The following FEM1A variants were observed in gnomAD, a reference collection of about 807,000 sequenced individuals.
FEM1A encodes the protein protein fem-1 homolog A.
In FEM1A, 1 loss-of-function variant was observed where a neutral mutation model predicts 0.7. The observed-to-expected ratio is 1.35, with a 90% CI of 0.48 to 6.40. The LOEUF is 6.40. Ranked by LOEUF, FEM1A falls within the 30% of genes most tolerant of loss-of-function variation. FEM1A has a pLI of 0.14. For synonymous variants in FEM1A, 391 were observed against 420.6 expected, an observed-to-expected ratio of 0.93 and a Z score of 0.86; for missense variants, 721 against 918.7, an observed-to-expected ratio of 0.78 and a Z score of 2.78.
rs1216242754 is a variant in FEM1A, at chr19:4,796,336, CA to C, written c.*2473del. 1 of 152,034 alleles carries C rather than the reference CA, an allele frequency of 6.6e-6. No individual in the cohort carries two copies. Among genetic ancestry groups the C allele is most frequent in the African/African-American group, 2.4e-5 (1 of 41,360 alleles). 9.4% of individuals were successfully genotyped at this position (152,034 alleles called of 1,614,324 possible). ...CCTCCTGAGCATCTGGGACTACAGG[CA>C]TACACCACCATGCCTGGCTAATTGT... On this transcript the variant is annotated 3_prime_UTR_variant, in exon 1 of 1. Coordinates refer to ENST00000269856, the MANE Select transcript of FEM1A (RefSeq NM_018708.3).
At position 4,798,833 on chromosome 19, in the gene FEM1A, T is replaced by G. The variant is rs1235823694; in HGVS notation, c.*4969T>G. 5 of 152,110 alleles carry G rather than the reference T, an allele frequency of 3.3e-5. No homozygotes were observed. Among genetic ancestry groups the G allele is most frequent in the Admixed American group, 1.3e-4 (2 of 15,234 alleles). 9.4% of individuals were successfully genotyped at this position (152,110 alleles called of 1,614,324 possible). A position where few individuals can be genotyped will look rare whatever the true frequency, so the allele number is the denominator to read the frequency against. ...TGCCTCCGCATCCTGAGCGTCTGTT[T>G]CCCTCGGGGATCTGCCAGACTCAGC... On this transcript the variant is annotated 3_prime_UTR_variant, in exon 1 of 1. Transcript: ENST00000269856.
Position 4,793,440 on chromosome 19 carries a change from C to T in FEM1A, c.1586C>T (p.Ala529Val), listed in dbSNP as rs776656248. Residue 529 changes from alanine to valine, a missense_variant, in exon 1 of 1, where the codon GCG becomes GTG. Physicochemically the swap from Ala to Val is moderately conservative, Grantham distance 64. Transcript: ENST00000269856. The surrounding 1 kb of genome is among the most constrained non-coding windows in gnomAD (Gnocchi z 5.1). ...HQTVYRLLKCAPRGKNGFTPL... is the reference protein window; with the variant it reads ...HQTVYRLLKCVPRGKNGFTPL... ...ACCGTCTACCGCCTGCTCAAGTGCG[C>T]GCCCAGGGGCAAGAACGGCTTCACC... 3 of 1,612,300 alleles carry T rather than the reference C, an allele frequency of 1.9e-6. No homozygotes were observed. The highest frequency in any genetic ancestry group is 1.7e-6 in the Non-Finnish European group (2 of 1,179,858).
In FEM1A at chr19:4,792,042, G is replaced by T; in HGVS notation, c.188G>T (p.Arg63Leu). 6.5e-7 allele frequency: 1 copy of T among 1,537,334 alleles called. No individual in the cohort carries two copies. The highest frequency in any genetic ancestry group is 1.2e-5 in the South Asian group (1 of 84,224). ...HLDVVEYLVD[R>L]CGASVEAGGS... ...GACGTGGTGGAGTACCTGGTGGACC[G>T]GTGCGGCGCGAGCGTGGAGGCCGGT... The change falls in exon 1 of 1, where the codon CGG becomes CTG. Residue 63 changes from arginine to leucine, a missense_variant. By Grantham distance (102) the Arg-to-Leu change is moderately radical. Transcript: ENST00000269856. This position sits in a 1 kb window ranked among gnomAD's most constrained non-coding sequence, Gnocchi z 6.7.
In FEM1A at chr19:4,797,561, G is replaced by T. The variant is rs1402611045; in HGVS notation, c.*3697G>T. ...TTGATAGCTCCCTTGAGACTGGGGT[G>T]GGGTGGGTGTCCCAAGATGACCGCC... On this transcript the variant is annotated 3_prime_UTR_variant, in exon 1 of 1. Coordinates refer to ENST00000269856, the MANE Select transcript of FEM1A (RefSeq NM_018708.3). The T allele has an allele frequency of 6.6e-6, 1 of 151,436 alleles. No individual in the cohort carries two copies. The highest frequency in any genetic ancestry group is 1.5e-5 in the Non-Finnish European group (1 of 67,972). 9.4% of individuals were successfully genotyped at this position (151,436 alleles called of 1,614,324 possible). A position where few individuals can be genotyped will look rare whatever the true frequency, so the allele number is the denominator to read the frequency against.
chr19:4,793,072 C>A lies in FEM1A; in HGVS notation c.1218C>A (p.Phe406Leu). Residue 406 changes from phenylalanine to leucine, a missense_variant, in exon 1 of 1, where the codon TTC becomes TTA. This residue lies in a region of FEM1A where 379 missense variants were observed against 454.8 expected (regional missense o/e 0.83). Transcript: ENST00000269856. The surrounding 1 kb of genome is among the most constrained non-coding windows in gnomAD (Gnocchi z 5.1). ...CCGTGTACGCCGACTCGGGCAATTT[C>A]GAGCGCTGCATCCGCTTGTGGAAGT... is the stretch of plus-strand genomic sequence containing the variant. ...RGAVYADSGN[F>L]ERCIRLWKYA... 1 of 1,613,610 alleles carries A rather than the reference C, an allele frequency of 6.2e-7. No individual in the cohort carries two copies. The highest frequency in any genetic ancestry group is 8.5e-7 in the Non-Finnish European group (1 of 1,180,016).
rs957480970 is a variant in FEM1A at position 4,797,973 on chromosome 19, G to A, written c.*4109G>A. 2.6e-4 allele frequency: 39 copies of A among 152,238 alleles called. No homozygotes were observed. The highest frequency in any genetic ancestry group is 6.5e-4 in the African/African-American group (27 of 41,444). The allele number at this position is 152,238 out of a possible 1,614,324, so 9.4% of individuals were successfully genotyped here. On this transcript the variant is annotated 3_prime_UTR_variant, in exon 1 of 1. Transcript: ENST00000269856. ...AGCAGGGCCGGGCGCAGGGGCTCACGCCAGTAATCCCAGCACTTTGGGAGG... is the reference window on the plus strand; with the variant it reads ...AGCAGGGCCGGGCGCAGGGGCTCACACCAGTAATCCCAGCACTTTGGGAGG...
Position 4,793,885 on chromosome 19 carries a change from C to CCTCACCT in FEM1A, c.*25_*31dup. The CCTCACCT allele has an allele frequency of 1.3e-6, 2 of 1,575,850 alleles. No homozygotes were observed. The highest frequency in any genetic ancestry group is 1.7e-6 in the Non-Finnish European group (2 of 1,161,836). On this transcript the variant is annotated 3_prime_UTR_variant, in exon 1 of 1. Transcript: ENST00000269856. The surrounding 1 kb of genome is among the most constrained non-coding windows in gnomAD (Gnocchi z 5.1). ...ACTGACCTGCCCAGAACGCCTGCAC[C>CCTCACCT]CTCACCTCTCCCCTCTCCTGCTGAG...
In FEM1A at chr19:4,793,008, C is replaced by T. The variant is rs751076792; in HGVS notation, c.1154C>T (p.Ser385Leu). 1.9e-6 allele frequency: 3 copies of T among 1,613,170 alleles called. No homozygotes were observed. The highest frequency in any genetic ancestry group is 1.1e-5 in the South Asian group (1 of 91,052). ...ATCCGGGAGCGCATCCTCGGTCCCT[C>T]GCACCCGGACACTTCCTATTACATC... ...LLIRERILGP[S>L]HPDTSYYIRY... Residue 385 changes from serine (S) to leucine (L), a missense_variant, in exon 1 of 1, where the codon TCG becomes TTG. Ser to Leu is a moderately radical substitution (Grantham distance 145). Coordinates refer to ENST00000269856, the MANE Select transcript of FEM1A (RefSeq NM_018708.3). The surrounding 1 kb of genome is among the most constrained non-coding windows in gnomAD (Gnocchi z 5.1).
chr19:4,793,981 G>T lies in FEM1A; in HGVS notation c.*117G>T. ...CCTTCAGGCACCAATCAGGAGAAGGGTTCTGCCTCCCATCCCCTCTACCTG... is the reference window on the plus strand; with the variant it reads ...CCTTCAGGCACCAATCAGGAGAAGGTTTCTGCCTCCCATCCCCTCTACCTG... On this transcript the variant is annotated 3_prime_UTR_variant, in exon 1 of 1. Coordinates refer to ENST00000269856, the MANE Select transcript of FEM1A (RefSeq NM_018708.3). This position sits in a 1 kb window ranked among gnomAD's most constrained non-coding sequence, Gnocchi z 5.1. 3 of 1,065,540 alleles carry T rather than the reference G, an allele frequency of 2.8e-6. No homozygotes were observed. In the South Asian group the frequency reaches 4.8e-5, roughly 17 times the overall value. 66.0% of individuals were successfully genotyped at this position (1,065,540 alleles called of 1,614,324 possible).
rs767455783 is a variant in FEM1A at position 4,791,999 on chromosome 19, G to T, written c.145G>T (p.Ala49Ser). The T allele has an allele frequency of 2.0e-6, 3 of 1,533,938 alleles. No homozygotes were observed. Among genetic ancestry groups the T allele is most frequent in the Non-Finnish European group, 2.6e-6 (3 of 1,147,888 alleles). ...AGGGTPLLIA[A>S]RYGHLDVVEY... The stretch of plus-strand genomic sequence containing the variant: ...CGGGGGAACGCCGCTACTCATCGCC[G>T]CCCGCTACGGCCACCTGGACGTGGT... The change falls in exon 1 of 1, where the codon GCC becomes TCC. Residue 49 changes from alanine (A) to serine (S), a missense_variant. By Grantham distance (99) the Ala-to-Ser change is moderately conservative. Coordinates refer to ENST00000269856, the MANE Select transcript of FEM1A (RefSeq NM_018708.3).
chr19:4,793,121 A>C lies in FEM1A; in HGVS notation c.1267A>C (p.Asn423His), dbSNP rs779591336. ...GTACGCCCTGGACATGCAACAGAGCAACCTGGAGCCTCTGAGCCCCATGAC... is the reference window on the plus strand; with the variant it reads ...GTACGCCCTGGACATGCAACAGAGCCACCTGGAGCCTCTGAGCCCCATGAC... ...WKYALDMQQSNLEPLSPMTAS... is the reference protein window; with the variant it reads ...WKYALDMQQSHLEPLSPMTAS... Residue 423 changes from asparagine (N) to histidine (H), a missense_variant, in exon 1 of 1, where the codon AAC (asparagine) becomes CAC (histidine). Asn to His is a moderately conservative substitution (Grantham distance 68). Transcript: ENST00000269856. This position sits in a 1 kb window ranked among gnomAD's most constrained non-coding sequence, Gnocchi z 5.1. 6.2e-7 allele frequency: 1 copy of C among 1,613,514 alleles called. No homozygotes were observed. Among genetic ancestry groups the C allele is most frequent in the South Asian group, 1.1e-5 (1 of 91,064 alleles).
chr19:4,798,387 TCA>T lies in FEM1A; in HGVS notation c.*4525_*4526del, dbSNP rs1210143708. 6.6e-6 allele frequency: 1 copy of T among 151,790 alleles called. No individual in the cohort carries two copies. Among genetic ancestry groups the T allele is most frequent in the Admixed American group, 6.6e-5 (1 of 15,210 alleles). 9.4% of individuals were successfully genotyped at this position (151,790 alleles called of 1,614,324 possible). A position where few individuals can be genotyped will look rare whatever the true frequency, so the allele number is the denominator to read the frequency against. On this transcript the variant is annotated 3_prime_UTR_variant, in exon 1 of 1. Transcript: ENST00000269856. Reference sequence around the variant, plus strand: ...ACTTTGGGAGGCTGAGGCGGGCGGATCACGAGGTCAGGAGACCAAGACCATCC... The same window carrying T: ...ACTTTGGGAGGCTGAGGCGGGCGGATCGAGGTCAGGAGACCAAGACCATCC...
rs945713534 is a variant in FEM1A at position 4,795,198 on chromosome 19, C to T, written c.*1334C>T. On this transcript the variant is annotated 3_prime_UTR_variant, in exon 1 of 1. Transcript: ENST00000269856. ...CAAGATTTTTGTCAAGAGCGAGACT[C>T]CATCAGCCCAGGCAGACGGGAGCAG... 1.2e-5 allele frequency: 2 copies of T among 167,024 alleles called. No homozygotes were observed. The highest frequency in any genetic ancestry group is 2.9e-5 in the Non-Finnish European group (2 of 68,142). 10.3% of individuals were successfully genotyped at this position (167,024 alleles called of 1,614,324 possible).
Position 4,799,075 on chromosome 19 carries a change from A to G in FEM1A, c.*5211A>G, listed in dbSNP as rs9630893. On this transcript the variant is annotated 3_prime_UTR_variant, in exon 1 of 1. Transcript: ENST00000269856. ...GAGACTGGGGTGGGGTGGGTGTCCC[A>G]AGGTGATGACCAGGAGAAAAGAGAG... is the stretch of plus-strand genomic sequence containing the variant. 31,687 of 151,166 alleles carry G rather than the reference A, an allele frequency of 0.21. 3,662 individuals carry two copies. The highest frequency in any genetic ancestry group is 0.3 in the African/African-American group (12,097 of 40,948). The allele number at this position is 151,166 out of a possible 1,614,324, so 9.4% of individuals were successfully genotyped here. A position where few individuals can be genotyped will look rare whatever the true frequency, so the allele number is the denominator to read the frequency against.
Position 4,792,768 on chromosome 19 carries a change from G to A in FEM1A, c.914G>A (p.Gly305Glu). ...EAAVEALELL[G>E]ATYVDKKRDL... ...GCCGTGGAAGCCTTGGAATTGCTGG[G>A]AGCTACGTATGTGGATAAGAAACGA... Residue 305 changes from glycine (G) to glutamate (E), a missense_variant, in exon 1 of 1, where the codon GGA becomes GAA. Transcript: ENST00000269856. The surrounding 1 kb of genome is among the most constrained non-coding windows in gnomAD (Gnocchi z 6.7). The A allele has an allele frequency of 6.2e-7, 1 of 1,612,150 alleles. No homozygotes were observed. The highest frequency in any genetic ancestry group is 2.2e-5 in the East Asian group (1 of 44,880).
rs780720344 is a variant in FEM1A, at chr19:4,793,086, G to A, written c.1232G>A (p.Arg411His). The A allele has an allele frequency of 2.5e-5, 40 of 1,613,484 alleles. No individual in the cohort carries two copies. The South Asian group carries it at 4.1e-4, about 16-fold the overall frequency. ...ADSGNFERCI[R>H]LWKYALDMQQ... ...TCGGGCAATTTCGAGCGCTGCATCC[G>A]CTTGTGGAAGTACGCCCTGGACATG... is the stretch of plus-strand genomic sequence containing the variant. The change falls in exon 1 of 1, where the codon CGC (arginine) becomes CAC (histidine). Residue 411 changes from arginine to histidine, a missense_variant. Arg to His is a conservative substitution (Grantham distance 29). Around this residue, in one of 4 missense-constraint regions of FEM1A, gnomAD observed 379 missense variants for 454.8 expected, o/e 0.83. Transcript: ENST00000269856. The surrounding 1 kb of genome is among the most constrained non-coding windows in gnomAD (Gnocchi z 5.1).
Position 4,791,979 on chromosome 19 carries a change from G to C in FEM1A, c.125G>C (p.Gly42Ala). Reference sequence around the variant, plus strand: ...CTGACGGGCGAGGTGGCCGGCGGGGGAACGCCGCTACTCATCGCCGCCCGC... The same window carrying C: ...CTGACGGGCGAGGTGGCCGGCGGGGCAACGCCGCTACTCATCGCCGCCCGC... Reference protein sequence around the residue: ...DELTGEVAGGGTPLLIAARYG... With the variant: ...DELTGEVAGGATPLLIAARYG... The change falls in exon 1 of 1, where the codon GGA (glycine) becomes GCA (alanine). Residue 42 changes from glycine to alanine, a missense_variant. Physicochemically the swap from Gly to Ala is moderately conservative, Grantham distance 60. This residue lies in a region of FEM1A where 195 missense variants were observed against 316.9 expected (regional missense o/e 0.62). Transcript: ENST00000269856. 1 of 1,533,614 alleles carries C rather than the reference G, an allele frequency of 6.5e-7. No homozygotes were observed. The highest frequency in any genetic ancestry group is 8.7e-7 in the Non-Finnish European group (1 of 1,147,368).
At position 4,793,528 on chromosome 19, in the gene FEM1A, C is replaced by T. The variant is rs1487743848; in HGVS notation, c.1674C>T (p.Phe558=). ...TNVGRYPVGR[F]PSLHVVKVLL... ...TGGGCCGCTATCCCGTGGGCAGATT[C>T]CCCTCCCTGCACGTGGTCAAAGTGC... Residue 558 remains phenylalanine (F), a synonymous_variant, in exon 1 of 1, where the codon TTC becomes TTT. Transcript: ENST00000269856. The surrounding 1 kb of genome is among the most constrained non-coding windows in gnomAD (Gnocchi z 5.1). 1.2e-6 allele frequency: 2 copies of T among 1,613,084 alleles called. No homozygotes were observed. Among genetic ancestry groups the T allele is most frequent in the South Asian group, 2.2e-5 (2 of 91,040 alleles).
chr19:4,796,727 G>C lies in FEM1A; in HGVS notation c.*2863G>C, dbSNP rs907601935. ...ACGTCCGGTTAATCCCTGTGCGCCC[G>C]CCTCACGTGGCAGTGGGGAGAGGCC... On this transcript the variant is annotated 3_prime_UTR_variant, in exon 1 of 1. Transcript: ENST00000269856. 1 of 152,372 alleles carries C rather than the reference G, an allele frequency of 6.6e-6. No homozygotes were observed. The highest frequency in any genetic ancestry group is 1.5e-5 in the Non-Finnish European group (1 of 68,178). The allele number at this position is 152,372 out of a possible 1,614,324, so 9.4% of individuals were successfully genotyped here. A position where few individuals can be genotyped will look rare whatever the true frequency, so the allele number is the denominator to read the frequency against.
Sources: gnomAD v4.1 joint callset for allele counts on GRCh38, gnomAD v4.1.1 for gene constraint, gnomAD v4.1.1 regional missense constraint, Gnocchi (gnomAD v3.1) non-coding constraint, MANE v1.5 for transcripts, NCBI Gene and HGNC (gene_info 2026-07-23, HGNC 2026-07-21) for gene names.